KCNJ8: variants seen among roughly 807,000 people sequenced by gnomAD.
KCNJ8 encodes ATP-sensitive inward rectifier potassium channel 8.
KCNJ8 carries 13 observed loss-of-function variants against 28.2 expected under a neutral mutation model. The ratio of observed to expected loss-of-function variants is 0.46; its 90% CI spans 0.30 to 0.73. The LOEUF is 0.73. Among genes scored for constraint, KCNJ8 ranks in the 30% least tolerant of loss-of-function variants. The pLI, the probability that KCNJ8 is intolerant of heterozygous loss-of-function variation, is 0.07. For synonymous variants in KCNJ8, 188 were observed against 195.9 expected (o/e 0.96, Z 0.34); for missense variants, 284 against 542.6 (o/e 0.52, Z 4.73).
In KCNJ8 at chr12:21,766,097, C is replaced by G; in HGVS notation, c.901G>C (p.Glu301Gln). Reference protein sequence around the residue: ...EVIVILEGVVETTGITTQART... With the variant: ...EVIVILEGVVQTTGITTQART... ...GCTTGTGTGGTGATGCCAGTAGTTT[C>G]AACCACTCCTTCCAGAATAACTATG... The change falls in exon 3 of 3, where the codon GAA becomes CAA. Residue 301 changes from glutamate (E) to glutamine (Q), a missense_variant. Around this residue, in one of 8 missense-constraint regions of KCNJ8, gnomAD observed 107 missense variants for 235.6 expected, o/e 0.45. Transcript: ENST00000240662. This position sits in a 1 kb window ranked among gnomAD's most constrained non-coding sequence, Gnocchi z 6.5. The G allele has an allele frequency of 6.2e-7, 1 of 1,614,186 alleles. No individual in the cohort carries two copies. The highest frequency in any genetic ancestry group is 8.5e-7 in the Non-Finnish European group (1 of 1,180,032).
chr12:21,768,502 C>CT (rs1233651926), intron 2 of KCNJ8, among the ~76,000 whole-genome samples: 11 of 152,144 alleles, frequency 7.2e-5, no homozygotes, highest in Non-Finnish European at 1.5e-4. Flanking sequence ...ACAAAGAACA[C>CT]TAAGTGTTCG....
At chr12:21,772,783 C>T (rs1940792538) in intron 2 of KCNJ8, among the ~76,000 whole-genome samples, 1 of 152,112 alleles carries the variant, frequency 6.6e-6, no homozygotes, top group South Asian at 2.1e-4. Flanking sequence ...AGGGCCTTCC[C>T]ATTTTTTTCT....
chr12:21,767,583 A>C, intron 2 of KCNJ8, among the ~76,000 whole-genome samples: 1 of 150,170 alleles, frequency 6.7e-6, no homozygotes, highest in Non-Finnish European at 1.5e-5. Context: ...CCCATCCCCC[A>C]CCCCCATCAG....
At position 21,773,599 on chromosome 12, in the gene KCNJ8, A is replaced by G. The variant is rs1202461548; in HGVS notation, c.18T>C (p.Ser6=). 4 of 1,612,720 alleles carry G rather than the reference A, an allele frequency of 2.5e-6. No homozygotes were observed. Among genetic ancestry groups the G allele is most frequent in the Admixed American group, 3.3e-5 (2 of 59,988 alleles). The change falls in exon 2 of 3, where the codon AGT becomes AGC. Residue 6 remains serine (S), a synonymous_variant. Coordinates refer to ENST00000240662, the MANE Select transcript of KCNJ8 (RefSeq NM_004982.4). The surrounding 1 kb of genome is among the most constrained non-coding windows in gnomAD (Gnocchi z 4.6). The stretch of plus-strand genomic sequence containing the variant: ...CCAGCACATACTCCTCCGGGATGAT[A>G]CTCTTTCTGGCCAACATCGTCCTGT... MLARK[S]IIPEEYVLAR...
rs532271138 is a variant in KCNJ8, at chr12:21,765,352, C to A, written c.*371G>T. The A allele has an allele frequency of 1.8e-4, 58 of 330,030 alleles. 1 individual carries two copies. The highest frequency in any genetic ancestry group is 1.5e-3 in the South Asian group (54 of 34,924). 20.4% of individuals were successfully genotyped at this position (330,030 alleles called of 1,614,324 possible). On this transcript the variant is annotated 3_prime_UTR_variant, in exon 3 of 3. Coordinates refer to ENST00000240662, the MANE Select transcript of KCNJ8 (RefSeq NM_004982.4). ...TCCAGAGTGATCATTAGTAACACAG[C>A]GATCTGGGTTTCACCAACTAAGCAT...
chr12:21,765,936 A>G lies in KCNJ8; in HGVS notation c.1062T>C (p.Ser354=). 2.5e-6 allele frequency: 4 copies of G among 1,614,134 alleles called. No individual in the cohort carries two copies. Among genetic ancestry groups the G allele is most frequent in the Non-Finnish European group, 3.4e-6 (4 of 1,179,976 alleles). ...NTVKVAAPRC[S]ARELDEKPSI... ...AAGGTTTCTCATCCAGCTCTCGGGCACTGCACCGTGGAGCAGCTACTTTAA... is the reference window on the plus strand; with the variant it reads ...AAGGTTTCTCATCCAGCTCTCGGGCGCTGCACCGTGGAGCAGCTACTTTAA... The change falls in exon 3 of 3, where the codon AGT becomes AGC. Residue 354 remains serine, a synonymous_variant. Transcript: ENST00000240662.
At position 21,765,587 on chromosome 12, in the gene KCNJ8, G is replaced by A. The variant is rs569369775; in HGVS notation, c.*136C>T. 2 of 792,394 alleles carry A rather than the reference G, an allele frequency of 2.5e-6. No homozygotes were observed. The highest frequency in any genetic ancestry group is 5.0e-5 in the East Asian group (2 of 39,742). 49.1% of individuals were successfully genotyped at this position (792,394 alleles called of 1,614,324 possible). A position where few individuals can be genotyped will look rare whatever the true frequency, so the allele number is the denominator to read the frequency against. On this transcript the variant is annotated 3_prime_UTR_variant, in exon 3 of 3. Coordinates refer to ENST00000240662, the MANE Select transcript of KCNJ8 (RefSeq NM_004982.4). ...TTTTATTACTACAGAAAGTGCTGTT[G>A]CTTGAATATGAATATCATTTAGTGT...
At chr12:21,768,784 C>T (rs555472293) in intron 2 of KCNJ8, among the ~76,000 whole-genome samples, 3 of 152,312 alleles carry the variant, frequency 2.0e-5, no homozygotes, top group Admixed American at 1.3e-4. Flanking sequence ...TCACAACATT[C>T]CCCTAAGCCA....
chr12:21,768,991 T>G (rs1940698714), intron 2 of KCNJ8, among the ~76,000 whole-genome samples: 1 of 152,184 alleles, frequency 6.6e-6, no homozygotes, highest in African/African-American at 2.4e-5. Context: ...ATCCAAAAGA[T>G]CCAGCTAAGA....
intron 2 of KCNJ8, among the ~76,000 whole-genome samples, chr12:21,771,188 C>T (rs1178659766): frequency 2.0e-5 from 3 of 152,048 alleles, no homozygotes; most frequent in African/African-American, 7.2e-5. Context: ...TGTATCCATA[C>T]CTCAGAGAGC....
At chr12:21,767,993 A>C (rs1940671810) in intron 2 of KCNJ8, among the ~76,000 whole-genome samples, 1 of 152,092 alleles carries the variant, frequency 6.6e-6, no homozygotes, top group Admixed American at 6.5e-5. Context: ...TTAGGGCAGC[A>C]GTCCCCAGCC....
chr12:21,768,921 T>C lies in KCNJ8; in HGVS notation c.375-2298A>G, dbSNP rs145705626. ...AGGAGGCTTAAGAAAAGAAGCCACCTTCAAAACAGAAAAGTGCTAGGTGAA... is the reference window on the plus strand; with the variant it reads ...AGGAGGCTTAAGAAAAGAAGCCACCCTCAAAACAGAAAAGTGCTAGGTGAA... On this transcript the variant is annotated intron_variant, in intron 2 of 2. Coordinates refer to ENST00000240662, the MANE Select transcript of KCNJ8 (RefSeq NM_004982.4). Among the ~76,000 whole-genome samples the C allele has an allele frequency of 6.6e-5, 10 of 152,338 alleles. No homozygotes were observed. In the East Asian group the frequency reaches 1.7e-3, roughly 26 times the overall value.
chr12:21,774,388 A>G (rs1015437114), intron 1 of KCNJ8, among the ~76,000 whole-genome samples, 158 bp downstream of exon 1: 3 of 151,604 alleles, frequency 2.0e-5, no homozygotes, highest in African/African-American at 7.3e-5. Context: ...GCGGGGGGGA[A>G]AAAACCCAAG....
At chr12:21,767,712 T>A (rs900163281) in intron 2 of KCNJ8, among the ~76,000 whole-genome samples, 2 of 152,158 alleles carry the variant, frequency 1.3e-5, no homozygotes, top group African/African-American at 4.8e-5. Context: ...CAGAAACTAG[T>A]AAATGACTGT....
intron 2 of KCNJ8, among the ~76,000 whole-genome samples, chr12:21,772,580 T>C (rs1940787572): frequency 6.6e-6 from 1 of 152,234 alleles, no homozygotes; most frequent in Non-Finnish European, 1.5e-5. Context: ...AAATTGCTTC[T>C]ATATAACCCC....
Position 21,772,703 on chromosome 12 carries a change from A to G in KCNJ8, c.374+540T>C, listed in dbSNP as rs16924303. 6.0e-3 allele frequency among the ~76,000 whole-genome samples: 917 copies of G among 152,312 alleles called. 14 individuals carry two copies. The highest frequency in any genetic ancestry group is 0.021 in the African/African-American group (859 of 41,558). ...GCAAGCAATCAGCTATGTTATGATA[A>G]TCTCGATAAAGAAGGGATGATATTT... is the stretch of plus-strand genomic sequence containing the variant. On this transcript the variant is annotated intron_variant, in intron 2 of 2. Transcript: ENST00000240662.
At chr12:21,767,020 T>C (rs1243194802) in intron 2 of KCNJ8, among the ~76,000 whole-genome samples, 2 of 152,222 alleles carry the variant, frequency 1.3e-5, no homozygotes, top group African/African-American at 2.4e-5. Flanking sequence ...TTTGTAAAAC[T>C]TTCTACCAGG....
chr12:21,773,335 C>T lies in KCNJ8; in HGVS notation c.282G>A (p.Val94=). ...WLLFAIMWWL[V]AFAHGDIYAY... ...CATAGATGTCCCCATGGGCAAAGGC[C>T]ACCAGCCACCACATGATAGCGAAGA... The change falls in exon 2 of 3, where the codon GTG becomes GTA. Residue 94 remains valine, a synonymous_variant. Coordinates refer to ENST00000240662, the MANE Select transcript of KCNJ8 (RefSeq NM_004982.4). The surrounding 1 kb of genome is among the most constrained non-coding windows in gnomAD (Gnocchi z 4.6). The T allele has an allele frequency of 6.2e-7, 1 of 1,614,206 alleles. No individual in the cohort carries two copies. The highest frequency in any genetic ancestry group is 2.2e-5 in the East Asian group (1 of 44,880).
chr12:21,767,012 T>C (rs1940641187), intron 2 of KCNJ8, among the ~76,000 whole-genome samples: 1 of 152,220 alleles, frequency 6.6e-6, no homozygotes, highest in Non-Finnish European at 1.5e-5. Flanking sequence ...CAGTTTACTT[T>C]GTAAAACTTT....
Sources: gnomAD v4.1 joint callset for allele counts (sites outside exome capture counted in the v4.1 genomes callset) on GRCh38, gnomAD v4.1.1 for gene constraint, gnomAD v4.1.1 regional missense constraint, Gnocchi (gnomAD v3.1) non-coding constraint, MANE v1.5 for transcripts, NCBI Gene and HGNC (gene_info 2026-07-23, HGNC 2026-07-21) for gene names.